The following METTL9 variants were observed in gnomAD, a reference collection of about 807,000 sequenced individuals.
METTL9 encodes protein-L-histidine N-pros-methyltransferase.
A neutral mutation model predicts 36.0 loss-of-function variants in METTL9; 10 were observed. That is an observed-to-expected ratio of 0.28 (90% confidence interval 0.17 to 0.47). The LOEUF (loss-of-function observed/expected upper bound fraction) is 0.47, where lower values mean the gene tolerates loss of function less well. Among genes scored for constraint, METTL9 ranks in the 20% least tolerant of loss-of-function variants. The pLI is 0.99. For synonymous variants in METTL9, 175 were observed against 149.7 expected, an observed-to-expected ratio of 1.17 and a Z score of -1.23; for missense variants, 246 against 383.5, an observed-to-expected ratio of 0.64 and a Z score of 3.00.
intron 4 of METTL9, among the ~76,000 whole-genome samples, chr16:21,636,599 A>G (rs1004289385): frequency 1.3e-4 from 20 of 152,240 alleles, no homozygotes; most frequent in African/African-American, 3.9e-4. Flanking sequence ...GGGTCAACCA[A>G]CTTCTTGTTG....
chr16:21,624,608 T>G (rs1426893692), intron 3 of METTL9, among the ~76,000 whole-genome samples: 2 of 151,964 alleles, frequency 1.3e-5, no homozygotes, highest in Non-Finnish European at 2.9e-5. Flanking sequence ...CTGCCTGTAA[T>G]CTCAGTTACT....
intron 1 of METTL9, among the ~76,000 whole-genome samples, chr16:21,604,579 A>T (rs1965222784): frequency 6.6e-6 from 1 of 152,124 alleles, no homozygotes; most frequent in Non-Finnish European, 1.5e-5. Flanking sequence ...TAAAGAGGTT[A>T]TTGGGTTGAG....
chr16:21,644,220 A>T (rs1299087087), intron 4 of METTL9: 5 of 1,124,496 alleles, frequency 4.4e-6, no homozygotes, highest in Non-Finnish European at 6.8e-6. Context: ...TTGTGGAGAG[A>T]TAGAAATTAT....
In METTL9 at chr16:21,647,401, G is replaced by C. The variant is rs1228329207; in HGVS notation, c.752-7826G>C. On this transcript the variant is annotated intron_variant, in intron 4 of 4. Transcript: ENST00000358154. ...GCTCAGAAGGGCATCCGGTTGCGGAGAAGGTACACTTTATGGTGACGGCCT... is the reference window on the plus strand; with the variant it reads ...GCTCAGAAGGGCATCCGGTTGCGGACAAGGTACACTTTATGGTGACGGCCT... 7 of 1,613,986 alleles carry C rather than the reference G, an allele frequency of 4.3e-6. No homozygotes were observed. The African/African-American group carries it at 9.3e-5, about 22-fold the overall frequency.
chr16:21,605,374 G>A (rs1034024841), intron 1 of METTL9, among the ~76,000 whole-genome samples: 1 of 135,138 alleles, frequency 7.4e-6, no homozygotes, highest in Non-Finnish European at 1.5e-5. Context: ...TCAAACTCCT[G>A]GCCTCAGTAC....
At chr16:21,625,433 A>G (rs1331357886) in intron 4 of METTL9, among the ~76,000 whole-genome samples, 1 of 152,138 alleles carries the variant, frequency 6.6e-6, no homozygotes, top group Non-Finnish European at 1.5e-5. Context: ...TAGCTTTACA[A>G]CTGAATCGAG....
Position 21,655,298 on chromosome 16 carries a change from A to AGTCT in METTL9, c.825_828dup (p.Pro277SerfsTer3). The AGTCT allele has an allele frequency of 6.2e-7, 1 of 1,614,280 alleles. No individual in the cohort carries two copies. On this transcript the variant is annotated frameshift_variant, in exon 5 of 5. Coordinates refer to ENST00000358154, the MANE Select transcript of METTL9 (RefSeq NM_016025.5). LOFTEE classifies it high-confidence loss of function. ...ACAGAACTGGGAAGAACAAGTGAATAGTCTGCCTGAAGTTTTCAGAAAAGC... is the reference window on the plus strand; with the variant it reads ...ACAGAACTGGGAAGAACAAGTGAATAGTCTGTCTGCCTGAAGTTTTCAGAAAAGC...
At chr16:21,627,074 GA>G in intron 4 of METTL9, 1 of 985,414 alleles carries the variant, frequency 1.0e-6, no homozygotes, top group Non-Finnish European at 1.2e-6. Context: ...CCTGAGACAA[GA>G]AGCCTTGTTG....
chr16:21,602,565 A>G (rs1965161852), intron 1 of METTL9, among the ~76,000 whole-genome samples: 1 of 152,194 alleles, frequency 6.6e-6, no homozygotes, highest in South Asian at 2.1e-4. Context: ...ATAGTTTTAT[A>G]TTTTTAAATG....
intron 3 of METTL9, among the ~76,000 whole-genome samples, chr16:21,623,382 C>T (rs1965749205): frequency 6.6e-6 from 1 of 152,104 alleles, no homozygotes; most frequent in South Asian, 2.1e-4. Context: ...TTCAAAACAA[C>T]CCTCATTATA....
At chr16:21,600,044 C>T (rs1379871644) in intron 1 of METTL9, 146 bp downstream of exon 1, 2 of 751,340 alleles carry the variant, frequency 2.7e-6, no homozygotes, top group African/African-American at 1.9e-5. Flanking sequence ...TTCCCCGCGC[C>T]TTCCCCGCCG....
At chr16:21,599,473 C>G (rs996608878), upstream of METTL9, 2 of 1,175,294 alleles carry the variant, frequency 1.7e-6, no homozygotes, top group African/African-American at 1.6e-5. This position sits in a 1 kb window ranked among gnomAD's most constrained non-coding sequence, Gnocchi z 4.4. Context: ...GAGAAAGCGA[C>G]GCGGCCGCTC....
At chr16:21,639,440 G>C (rs117023858) in intron 4 of METTL9, 2 of 152,158 alleles carry the variant, frequency 1.3e-5, no homozygotes, top group Non-Finnish European at 2.9e-5. Context: ...TGTTCATTTC[G>C]ATGGTATTAG....
intron 4 of METTL9, chr16:21,644,159 GCA>G: frequency 1.5e-6 from 1 of 648,330 alleles, no homozygotes; most frequent in Non-Finnish European, 2.7e-6. Context: ...GGTGTTCCCT[GCA>G]GATGCACAGG....
chr16:21,622,074 T>C (rs1965711498), intron 3 of METTL9, among the ~76,000 whole-genome samples: 1 of 149,554 alleles, frequency 6.7e-6, no homozygotes, highest in Non-Finnish European at 1.5e-5. Flanking sequence ...ACTCCTGAGC[T>C]CAGGCAATCT....
intron 3 of METTL9, 145 bp from the exon 4 acceptor site, chr16:21,624,786 G>T: frequency 1.3e-6 from 1 of 746,366 alleles, no homozygotes; most frequent in Non-Finnish European, 2.1e-6. Flanking sequence ...CCTTGGCCAT[G>T]TCATTATTGC....
upstream of METTL9, chr16:21,597,272 C>A: frequency 5.4e-6 from 7 of 1,289,038 alleles, no homozygotes; most frequent in Non-Finnish European, 7.1e-6. Context: ...CGAAAGACCA[C>A]GAGCTGGGAT....
chr16:21,614,596 C>T (rs554916115), intron 2 of METTL9, among the ~76,000 whole-genome samples: 1 of 152,230 alleles, frequency 6.6e-6, no homozygotes, highest in Non-Finnish European at 1.5e-5. Context: ...ATTTTAGGGC[C>T]CATCAGTACT....
At chr16:21,645,795 T>C (rs550921540) in intron 4 of METTL9, among the ~76,000 whole-genome samples, 3 of 152,244 alleles carry the variant, frequency 2.0e-5, no homozygotes, top group Non-Finnish European at 4.4e-5. Flanking sequence ...TGTTTTCATA[T>C]CAGTAGCTAA....
Sources: gnomAD v4.1 joint callset for allele counts (sites outside exome capture counted in the v4.1 genomes callset) on GRCh38, gnomAD v4.1.1 for gene constraint, Gnocchi (gnomAD v3.1) non-coding constraint, MANE v1.5 for transcripts, NCBI Gene and HGNC (gene_info 2026-07-23, HGNC 2026-07-21) for gene names.